The following SLC24A2 variants were observed in gnomAD, a reference collection of about 807,000 sequenced individuals.
SLC24A2 encodes solute carrier family 24 member 2.
In SLC24A2, 36 loss-of-function variants were observed where a neutral mutation model predicts 62.0. The ratio of observed to expected loss-of-function variants is 0.58; its 90% confidence interval spans 0.44 to 0.77. The LOEUF is 0.77. SLC24A2 is among the 30% of genes least tolerant of loss of function. The pLI, the probability that SLC24A2 is intolerant of heterozygous loss-of-function variation, is 0.00. For missense variants in SLC24A2, 846 were observed against 817.9 expected, an observed-to-expected ratio of 1.03 and a Z score of -0.42; for synonymous variants, 358 against 294.0, an observed-to-expected ratio of 1.22 and a Z score of -2.23.
At chr9:19,991,848 A>T in the SLC24A2 span, among the ~76,000 whole-genome samples, 1 of 152,186 alleles carries the variant, frequency 6.6e-6, no homozygotes, top group Admixed American at 6.5e-5. Context: ...TTCAAAATAG[A>T]CATGAGCAAG....
At chr9:19,580,289 A>G (rs1836163251) in intron 5 of SLC24A2, among the ~76,000 whole-genome samples, 1 of 152,238 alleles carries the variant, frequency 6.6e-6, no homozygotes, top group African/African-American at 2.4e-5. Context: ...ATAGGCTAGA[A>G]GGATTTTCCG....
chr9:20,249,335 C>T, the SLC24A2 span, among the ~76,000 whole-genome samples: 2 of 152,076 alleles, frequency 1.3e-5, no homozygotes, highest in African/African-American at 4.8e-5. Flanking sequence ...TACTTAATTT[C>T]CTGAGCCTCA....
the SLC24A2 span, among the ~76,000 whole-genome samples, chr9:20,234,584 C>T: frequency 6.6e-6 from 1 of 152,202 alleles, no homozygotes; most frequent in Admixed American, 6.5e-5. Flanking sequence ...CCATCAGGTC[C>T]TCTAAGGACT....
At chr9:19,573,270 G>A (rs1435692828) in intron 7 of SLC24A2, 81 bp downstream of exon 7, 1 of 954,320 alleles carries the variant, frequency 1.0e-6, no homozygotes, top group South Asian at 1.3e-5. Flanking sequence ...GGGCTTCCAA[G>A]GAGAATATAG....
At chr9:19,692,853 G>C (rs1452780194) in intron 2 of SLC24A2, among the ~76,000 whole-genome samples, 3 of 152,108 alleles carry the variant, frequency 2.0e-5, no homozygotes, top group Non-Finnish European at 4.4e-5. Context: ...GTTGATTAAT[G>C]ACCAAACGTT....
chr9:20,300,566 A>C, the SLC24A2 span, among the ~76,000 whole-genome samples: 1 of 152,158 alleles, frequency 6.6e-6, no homozygotes, highest in Non-Finnish European at 1.5e-5. Context: ...AAACATCCAG[A>C]ATGTCTGTTT....
the SLC24A2 span, among the ~76,000 whole-genome samples, chr9:19,985,904 A>G: frequency 7.2e-5 from 11 of 152,314 alleles, no homozygotes; most frequent in African/African-American, 2.2e-4. Context: ...CATGAGCAAC[A>G]CAAGAAAAAA....
chr9:20,176,206 G>A, the SLC24A2 span, among the ~76,000 whole-genome samples: 1 of 151,966 alleles, frequency 6.6e-6, no homozygotes, highest in East Asian at 1.9e-4. Flanking sequence ...TGATCTTGAG[G>A]CTTAAAAATG....
chr9:19,676,719 C>T (rs1051325404), intron 2 of SLC24A2, among the ~76,000 whole-genome samples: 2 of 152,048 alleles, frequency 1.3e-5, no homozygotes, highest in Non-Finnish European at 2.9e-5. Flanking sequence ...TAAAATGTCA[C>T]ATAAAAAACG....
At chr9:20,270,357 G>T in the SLC24A2 span, among the ~76,000 whole-genome samples, 4 of 152,076 alleles carry the variant, frequency 2.6e-5, no homozygotes, top group Non-Finnish European at 5.9e-5. Context: ...GTAGAATTGG[G>T]AATAATGGTA....
the SLC24A2 span, among the ~76,000 whole-genome samples, chr9:19,870,556 C>G: frequency 6.6e-6 from 1 of 152,168 alleles, no homozygotes; most frequent in South Asian, 2.1e-4. Flanking sequence ...TATGGTAATC[C>G]TGTGTTTAAT....
chr9:20,081,191 C>T, the SLC24A2 span, among the ~76,000 whole-genome samples: 49 of 151,974 alleles, frequency 3.2e-4, no homozygotes, highest in Middle Eastern at 0.017. Context: ...ATGTTTATTG[C>T]GGCACTATTC....
At chr9:20,263,335 T>C in the SLC24A2 span, among the ~76,000 whole-genome samples, 21,835 of 152,086 alleles carry the variant, frequency 0.14, 1,662 homozygotes, top group Middle Eastern at 0.22. Context: ...TACTGTAGCC[T>C]TCACCTCCTG....
intron 2 of SLC24A2, among the ~76,000 whole-genome samples, chr9:19,735,180 T>A (rs538656467): frequency 6.6e-6 from 1 of 151,666 alleles, no homozygotes; most frequent in South Asian, 2.1e-4. Context: ...AAAAACCCCA[T>A]CAACAAGTGG....
rs977425329 is a variant in SLC24A2, at chr9:19,599,810, T to C, written c.1079-2531A>G. ...GGAACGTACCCTTGCCCACTGTCTA[T>C]TGACAGCCTGTGGCAAGACCTAGTC... On this transcript the variant is annotated intron_variant, in intron 4 of 10. Transcript: ENST00000341998. The surrounding 1 kb of genome is among the most constrained non-coding windows in gnomAD (Gnocchi z 4.5). Among the ~76,000 whole-genome samples, 21 of 152,278 alleles carry C rather than the reference T, an allele frequency of 1.4e-4. No homozygotes were observed. The highest frequency in any genetic ancestry group is 4.8e-4 in the African/African-American group (20 of 41,560).
intron 2 of SLC24A2, among the ~76,000 whole-genome samples, chr9:19,661,093 T>C (rs575819791): frequency 6.6e-6 from 1 of 152,310 alleles, no homozygotes; most frequent in East Asian, 1.9e-4. Context: ...ATTTATTGCT[T>C]TTTGCTCTTG....
At chr9:19,874,075 C>CTTTTTTTTTTT in the SLC24A2 span, among the ~76,000 whole-genome samples, 41 of 107,296 alleles carry the variant, frequency 3.8e-4, no homozygotes, top group Non-Finnish European at 5.5e-4. Context: ...CTTTTCTTTT[C>CTTTTTTTTTTT]TTTTTTTTTT....
the SLC24A2 span, among the ~76,000 whole-genome samples, chr9:19,902,069 A>G: frequency 6.6e-6 from 1 of 152,226 alleles, no homozygotes; most frequent in Non-Finnish European, 1.5e-5. Context: ...TGCCTGGCAC[A>G]GCCTTAGGCC....
At chr9:19,566,382 CAG>C (rs1274477308) in intron 7 of SLC24A2, among the ~76,000 whole-genome samples, 3 of 148,350 alleles carry the variant, frequency 2.0e-5, no homozygotes, top group Non-Finnish European at 4.5e-5. Flanking sequence ...CACTGGCCAT[CAG>C]AGAAATGCAA....
Sources: gnomAD v4.1 joint callset for allele counts (sites outside exome capture counted in the v4.1 genomes callset) on GRCh38, gnomAD v4.1.1 for gene constraint, Gnocchi (gnomAD v3.1) non-coding constraint, MANE v1.5 for transcripts, NCBI Gene and HGNC (gene_info 2026-07-23, HGNC 2026-07-21) for gene names.